The following RPH3AL variants were observed in gnomAD, a reference collection of about 807,000 sequenced individuals.
RPH3AL encodes the protein rab effector Noc2.
A neutral mutation model predicts 43.1 loss-of-function variants in RPH3AL; 38 were observed. The ratio of observed to expected loss-of-function variants is 0.88; its 90% CI spans 0.68 to 1.15. The LOEUF (loss-of-function observed/expected upper bound fraction) is 1.15, where lower values mean the gene tolerates loss of function less well. RPH3AL is among the 50% of genes most tolerant of loss of function. The pLI is 0.00. For missense variants in RPH3AL, 462 were observed against 423.2 expected (o/e 1.09, Z -0.81); for synonymous variants, 189 against 176.3 (o/e 1.07, Z -0.57).
intron 6 of RPH3AL, among the ~76,000 whole-genome samples, chr17:253,363 C>A (rs566016362): frequency 5.9e-5 from 9 of 152,242 alleles, no homozygotes; most frequent in African/African-American, 1.9e-4. Flanking sequence ...GACTAAGACA[C>A]CCCACAGAGC....
In RPH3AL at chr17:215,524, G is replaced by A. The variant is rs933833008; in HGVS notation, c.876+130C>T. On this transcript the variant is annotated intron_variant, in intron 9 of 9. Coordinates refer to ENST00000331302, the MANE Select transcript of RPH3AL (RefSeq NM_006987.4). This position sits in a 1 kb window ranked among gnomAD's most constrained non-coding sequence, Gnocchi z 4.1. ...GGGGTCTGGCTCACCTTGTTCCCCC[G>A]CACAGTGCTTGGTAAACAACATGCA... is the stretch of plus-strand genomic sequence containing the variant. 1.3e-4 allele frequency: 113 copies of A among 871,476 alleles called. No homozygotes were observed. The highest frequency in any genetic ancestry group is 7.8e-4 in the African/African-American group (45 of 57,444). 54.0% of individuals were successfully genotyped at this position (871,476 alleles called of 1,614,324 possible).
chr17:220,035 T>C (rs1273991542), intron 7 of RPH3AL, among the ~76,000 whole-genome samples: 3 of 152,144 alleles, frequency 2.0e-5, no homozygotes, highest in Non-Finnish European at 4.4e-5. Flanking sequence ...CTAGTTCCTC[T>C]AGTGGAACCA....
In RPH3AL at chr17:246,534, A is replaced by G. The variant is rs1295221789; in HGVS notation, c.613+577T>C. Among the ~76,000 whole-genome samples, 1 of 152,130 alleles carries G rather than the reference A, an allele frequency of 6.6e-6. No individual in the cohort carries two copies. Among genetic ancestry groups the G allele is most frequent in the Non-Finnish European group, 1.5e-5 (1 of 68,028 alleles). ...GGAACTTTGAAATAAAACCACAAACATCAAAGCATCATGAAAGCTGCGGAG... is the reference window on the plus strand; with the variant it reads ...GGAACTTTGAAATAAAACCACAAACGTCAAAGCATCATGAAAGCTGCGGAG... On this transcript the variant is annotated intron_variant, in intron 7 of 9. Coordinates refer to ENST00000331302, the MANE Select transcript of RPH3AL (RefSeq NM_006987.4). This position sits in a 1 kb window ranked among gnomAD's most constrained non-coding sequence, Gnocchi z 4.8.
intron 1 of RPH3AL, chr17:338,581 C>T (rs2045022177): frequency 6.6e-6 from 1 of 152,228 alleles, no homozygotes; most frequent in Non-Finnish European, 1.5e-5. Flanking sequence ...GGCCCCTGAG[C>T]ACTCTCTGCC....
intron 6 of RPH3AL, 29 bp from the exon 7 acceptor site, chr17:247,314 C>T (rs1264817409): frequency 2.0e-6 from 3 of 1,534,544 alleles, no homozygotes; most frequent in Admixed American, 2.0e-5. Flanking sequence ...CTGCTTGGGG[C>T]ACAGGACGCA....
At chr17:336,501 G>A (rs968648956) in intron 1 of RPH3AL, among the ~76,000 whole-genome samples, 4 of 152,116 alleles carry the variant, frequency 2.6e-5, no homozygotes, top group Admixed American at 6.5e-5. Context: ...TGCTCGGGGC[G>A]GCTCCCCCTC....
chr17:248,587 TCA>T lies in RPH3AL; in HGVS notation c.439-1304_439-1303del, dbSNP rs1288568451. Among the ~76,000 whole-genome samples, 9 of 152,228 alleles carry T rather than the reference TCA, an allele frequency of 5.9e-5. No individual in the cohort carries two copies. In the South Asian group the frequency reaches 1.0e-3, roughly 18 times the overall value. On this transcript the variant is annotated intron_variant, in intron 6 of 9. Coordinates refer to ENST00000331302, the MANE Select transcript of RPH3AL (RefSeq NM_006987.4). ...GAATCCAGGGATGCCCACCCTGAAC[TCA>T]CAGGGTGGGAGGTGCTCTGGGTCTG...
chr17:231,825 A>C (rs1567568161), intron 7 of RPH3AL, among the ~76,000 whole-genome samples: 1 of 152,246 alleles, frequency 6.6e-6, no homozygotes, highest in Non-Finnish European at 1.5e-5. Context: ...GTCTCGGGCA[A>C]ATTAGAGGCG....
At chr17:281,447 C>A (rs1026689583) in intron 6 of RPH3AL, among the ~76,000 whole-genome samples, 1 of 152,016 alleles carries the variant, frequency 6.6e-6, no homozygotes, top group African/African-American at 2.4e-5. Flanking sequence ...TAATAACAGC[C>A]CCCACAAACA....
rs1331161130 is a variant in RPH3AL, at chr17:324,706, TGTAC to T, written c.77+2757_77+2760del. Among the ~76,000 whole-genome samples, 317 of 75,632 alleles carry T rather than the reference TGTAC, an allele frequency of 4.2e-3. 1 individual carries two copies. The highest frequency in any genetic ancestry group is 0.033 in the Middle Eastern group (4 of 120). The allele number at this position is 75,632 out of a possible 152,430, so 49.6% of individuals were successfully genotyped here. The stretch of plus-strand genomic sequence containing the variant: ...TTCTATCTATCTAGCTAGCTAGCTA[TGTAC>T]CTATCTATCTATCTATCTATCTATG... On this transcript the variant is annotated intron_variant, in intron 3 of 9. Transcript: ENST00000331302.
intron 7 of RPH3AL, among the ~76,000 whole-genome samples, chr17:244,018 A>T (rs1210933172): frequency 8.5e-5 from 11 of 129,050 alleles, no homozygotes; most frequent in Non-Finnish European, 6.5e-5. Context: ...CCCTTCCTCT[A>T]TTGATTACCT....
intron 5 of RPH3AL, among the ~76,000 whole-genome samples, chr17:297,359 C>A (rs973959639): frequency 3.3e-5 from 5 of 152,228 alleles, no homozygotes; most frequent in African/African-American, 1.2e-4. Context: ...ATTATCGAAC[C>A]CAAAGTATGG....
chr17:282,103 C>T (rs2042795021), intron 5 of RPH3AL, among the ~76,000 whole-genome samples: 1 of 152,170 alleles, frequency 6.6e-6, no homozygotes, highest in African/African-American at 2.4e-5. Context: ...CACAGCAAAG[C>T]TTGCTGACAT....
rs1334684007 is a variant in RPH3AL at position 286,969 on chromosome 17, TCTCTCCACCGTCAGACCTCACACC to T, written c.352-5139_352-5116del. 4.5e-3 allele frequency among the ~76,000 whole-genome samples: 503 copies of T among 111,870 alleles called. 2 individuals are homozygous for T. The highest frequency in any genetic ancestry group is 5.8e-3 in the African/African-American group (151 of 26,210). The allele number at this position is 111,870 out of a possible 152,430, so 73.4% of individuals were successfully genotyped here. A position where few individuals can be genotyped will look rare whatever the true frequency, so the allele number is the denominator to read the frequency against. On this transcript the variant is annotated intron_variant, in intron 5 of 9. Transcript: ENST00000331302. ...CTCTCCACCGTCAGACCTCGCACCC[TCTCTCCACCGTCAGACCTCACACC>T]CTCTCTCCACCGTCAGACCTCACAC...
intron 3 of RPH3AL, among the ~76,000 whole-genome samples, chr17:325,310 A>C (rs1207171753): frequency 6.6e-6 from 1 of 152,182 alleles, no homozygotes; most frequent in Non-Finnish European, 1.5e-5. Context: ...ACGAGACAAC[A>C]TGAAACCCTC....
In RPH3AL at chr17:274,642, T is replaced by C. The variant is rs2042610883; in HGVS notation, c.438+7126A>G. 6.6e-6 allele frequency among the ~76,000 whole-genome samples: 1 copy of C among 151,960 alleles called. No homozygotes were observed. The highest frequency in any genetic ancestry group is 1.5e-5 in the Non-Finnish European group (1 of 67,986). On this transcript the variant is annotated intron_variant, in intron 6 of 9. Coordinates refer to ENST00000331302, the MANE Select transcript of RPH3AL (RefSeq NM_006987.4). This position sits in a 1 kb window ranked among gnomAD's most constrained non-coding sequence, Gnocchi z 4.7. ...TCCTCCCTGGTTCCGACGGGCCAGG[T>C]CGCAGGAGAGTCAAAGGTGCCTCCT... is the stretch of plus-strand genomic sequence containing the variant.
rs760836181 is a variant in RPH3AL at position 321,400 on chromosome 17, C to G, written c.93G>C (p.Trp31Cys). 4.4e-6 allele frequency: 7 copies of G among 1,608,572 alleles called. No homozygotes were observed. In the South Asian group the frequency reaches 7.7e-5, roughly 18 times the overall value. Residue 31 changes from tryptophan (W) to cysteine (C), a missense_variant, in exon 4 of 10, where the codon TGG becomes TGC. By Grantham distance (215) the Trp-to-Cys change is radical. Transcript: ENST00000331302. ...TCTCCGTCTGGTAGGTGTGCACGGA[C>G]CAGCCCGTCTGCAGCCTCGAGAGGG... ...LALRAKLQTGWSVHTYQTEKQ... is the reference protein window; with the variant it reads ...LALRAKLQTGCSVHTYQTEKQ...
intron 1 of RPH3AL, among the ~76,000 whole-genome samples, chr17:347,746 T>C (rs1384469215): frequency 6.6e-6 from 1 of 152,210 alleles, no homozygotes; most frequent in Non-Finnish European, 1.5e-5. Context: ...GGCACACTCA[T>C]GTTGACTAAA....
intron 2 of RPH3AL, among the ~76,000 whole-genome samples, chr17:329,027 G>A (rs1382230786): frequency 1.3e-5 from 2 of 152,110 alleles, no homozygotes; most frequent in African/African-American, 2.4e-5. Context: ...TTTTGGGGTC[G>A]TAAAAATGTT....
Sources: allele counts gnomAD v4.1 joint callset (sites outside exome capture counted in the v4.1 genomes callset), GRCh38; gene constraint gnomAD v4.1.1; non-coding constraint Gnocchi (gnomAD v3.1); transcripts MANE v1.5; gene names NCBI Gene and HGNC (gene_info 2026-07-23, HGNC 2026-07-21).